Variants in ABL1 observed in about 807,000 individuals in gnomAD.
ABL1 encodes tyrosine-protein kinase ABL1.
ABL1 carries 11 observed loss-of-function variants against 94.7 expected under a neutral mutation model. That is an observed-to-expected ratio of 0.12 (90% CI 0.07 to 0.19). The LOEUF is 0.19. Ranked by LOEUF, ABL1 falls within the 10% of genes least tolerant of loss-of-function variation. The probability of loss-of-function intolerance (pLI) is 1.00; values close to 1 mark genes in which losing one functional copy is unlikely to be tolerated. For synonymous variants in ABL1, 656 were observed against 622.4 expected (o/e 1.05, Z -0.80); for missense variants, 1,082 against 1,489.4 (o/e 0.73, Z 4.50).
chr9:130,857,682 A>G (rs1830998158), intron 3 of ABL1, among the ~76,000 whole-genome samples: 1 of 151,412 alleles, frequency 6.6e-6, no homozygotes, highest in African/African-American at 2.4e-5. Flanking sequence ...CCATATGAAC[A>G]TACATATACT....
At chr9:130,860,996 C>T (rs1322649060) in intron 3 of ABL1, among the ~76,000 whole-genome samples, 1 of 152,190 alleles carries the variant, frequency 6.6e-6, no homozygotes, top group Non-Finnish European at 1.5e-5. Flanking sequence ...TTCCGCTCCC[C>T]GACACATTCC....
chr9:130,724,031 C>T (rs1282077738), intron 1 of ABL1, among the ~76,000 whole-genome samples: 1 of 152,074 alleles, frequency 6.6e-6, no homozygotes. Context: ...AGTATGGTCT[C>T]GATCTCCTGA....
chr9:130,857,810 C>T (rs552389432), intron 3 of ABL1, among the ~76,000 whole-genome samples: 9 of 152,236 alleles, frequency 5.9e-5, no homozygotes, highest in African/African-American at 9.6e-5. Context: ...CTGCAGTGTG[C>T]GTGACGGACA....
intron 7 of ABL1, among the ~76,000 whole-genome samples, chr9:130,877,466 G>A (rs999135574): frequency 2.7e-5 from 4 of 148,000 alleles, no homozygotes; most frequent in South Asian, 2.1e-4. Flanking sequence ...GTTGGTCACA[G>A]AGCTAAGAGT....
chr9:130,750,644 C>CATT, intron 1 of ABL1, among the ~76,000 whole-genome samples: 1 of 87,290 alleles, frequency 1.1e-5, no homozygotes, highest in East Asian at 3.6e-4. Flanking sequence ...CTTTTTCTTT[C>CATT]TTTTTTTTTT....
chr9:130,730,998 C>CTTTTTT (rs11300328), intron 1 of ABL1, among the ~76,000 whole-genome samples: 4 of 64,464 alleles, frequency 6.2e-5, no homozygotes, highest in Non-Finnish European at 1.1e-4. Flanking sequence ...CTCTATCTCT[C>CTTTTTT]TTTTTTTTTT....
Position 130,863,343 on chromosome 9 carries a change from C to T in ABL1, c.822+308C>T, listed in dbSNP as rs1564315747. Reference sequence around the variant, plus strand: ...AGGTTCTTTTAAAGCCGTGGATTTCCATGCTGTTCGTGCGGCATGGAGATC... The same window carrying T: ...AGGTTCTTTTAAAGCCGTGGATTTCTATGCTGTTCGTGCGGCATGGAGATC... On this transcript the variant is annotated intron_variant, in intron 4 of 10. Coordinates refer to ENST00000318560, the MANE Select transcript of ABL1 (RefSeq NM_005157.6). This position sits in a 1 kb window ranked among gnomAD's most constrained non-coding sequence, Gnocchi z 4.3. 6.6e-6 allele frequency among the ~76,000 whole-genome samples: 1 copy of T among 152,126 alleles called. No homozygotes were observed.
At chr9:130,713,289 G>T (rs1320103430) in exon 1 of ABL1, among the ~76,000 whole-genome samples, 1 of 152,188 alleles carries the variant, frequency 6.6e-6, no homozygotes, top group African/African-American at 2.4e-5. Flanking sequence ...AGCTGAGGCG[G>T]CCGGGCCTCC....
intron 1 of ABL1, among the ~76,000 whole-genome samples, chr9:130,761,354 C>G (rs759253414): frequency 6.6e-6 from 1 of 152,178 alleles, no homozygotes; most frequent in Non-Finnish European, 1.5e-5. Flanking sequence ...AATGGCATCT[C>G]TCTTTTCTCC....
intron 1 of ABL1, among the ~76,000 whole-genome samples, chr9:130,755,470 C>A (rs1433312722): frequency 3.3e-5 from 5 of 152,262 alleles, no homozygotes; most frequent in Middle Eastern, 3.4e-3. Flanking sequence ...TGTACTCTGT[C>A]CCCTCAGTGC....
At chr9:130,742,243 A>C (rs1831829416) in intron 1 of ABL1, among the ~76,000 whole-genome samples, 1 of 152,218 alleles carries the variant, frequency 6.6e-6, no homozygotes, top group Non-Finnish European at 1.5e-5. Flanking sequence ...GATTATGCTC[A>C]GCAGTGAGTC....
At chr9:130,768,545 C>T (rs1043477034) in intron 1 of ABL1, among the ~76,000 whole-genome samples, 3 of 152,198 alleles carry the variant, frequency 2.0e-5, no homozygotes, top group African/African-American at 7.2e-5. Context: ...ATCAGCCTGG[C>T]TTTGCACTGG....
chr9:130,718,592 A>C (rs1831476426), intron 1 of ABL1, among the ~76,000 whole-genome samples: 1 of 152,158 alleles, frequency 6.6e-6, no homozygotes, highest in African/African-American at 2.4e-5. Context: ...GAGATTAAAA[A>C]GTTTGAGGCC....
intron 1 of ABL1, among the ~76,000 whole-genome samples, chr9:130,726,345 C>T (rs1350543038): frequency 6.6e-6 from 1 of 152,112 alleles, no homozygotes; most frequent in Non-Finnish European, 1.5e-5. Context: ...TCCTCCTCCT[C>T]AGAGATAACT....
Position 130,860,599 on chromosome 9 carries a change from T to C in ABL1, c.550-2164T>C, listed in dbSNP as rs544637349. Among the ~76,000 whole-genome samples the C allele has an allele frequency of 1.1e-4, 17 of 152,306 alleles. No homozygotes were observed. The East Asian group carries it at 1.9e-3, about 17-fold the overall frequency. ...CGACGGGAGAGAGGGATAATGAGAC[T>C]TGCTCCCAGGTGCCCTGCCCTGGAG... On this transcript the variant is annotated intron_variant, in intron 3 of 10. Transcript: ENST00000318560.
At position 130,813,561 on chromosome 9, in the gene ABL1, C is replaced by CAA. The variant is rs57194587; in HGVS notation, c.137-40480_137-40479dup. The stretch of plus-strand genomic sequence containing the variant: ...GGCTGAGAGAGCGAGACTCCATCTC[C>CAA]AAAAAAAAAAAAAAAAAAAAAAAAG... On this transcript the variant is annotated intron_variant, in intron 1 of 10. Coordinates refer to the ABL1 transcript ENST00000372348. Among the ~76,000 whole-genome samples, 233 of 60,572 alleles carry CAA rather than the reference C, an allele frequency of 3.8e-3. 1 individual carries two copies. The highest frequency in any genetic ancestry group is 5.2e-3 in the Non-Finnish European group (162 of 30,990). The allele number at this position is 60,572 out of a possible 152,430, so 39.7% of individuals were successfully genotyped here. A position where few individuals can be genotyped will look rare whatever the true frequency, so the allele number is the denominator to read the frequency against.
intron 4 of ABL1, among the ~76,000 whole-genome samples, chr9:130,866,405 G>C (rs986596504): frequency 6.6e-6 from 1 of 151,864 alleles, no homozygotes; most frequent in Non-Finnish European, 1.5e-5. Flanking sequence ...TTGTGGCTAC[G>C]ATCTACCTTC....
chr9:130,813,380 T>C (rs1478165227), intron 1 of ABL1, among the ~76,000 whole-genome samples: 4 of 151,070 alleles, frequency 2.6e-5, no homozygotes, highest in Non-Finnish European at 5.9e-5. Context: ...GCTAACATGG[T>C]GAAACCCCTT....
chr9:130,820,113 C>G (rs1014275373), intron 1 of ABL1, among the ~76,000 whole-genome samples: 6 of 152,126 alleles, frequency 3.9e-5, no homozygotes, highest in Admixed American at 1.3e-4. Context: ...GATTGCTTCT[C>G]TTTCTCAGCA....
Sources: gnomAD v4.1 joint callset for allele counts (sites outside exome capture counted in the v4.1 genomes callset) on GRCh38, gnomAD v4.1.1 for gene constraint, Gnocchi (gnomAD v3.1) non-coding constraint, MANE v1.5 for transcripts, NCBI Gene and HGNC (gene_info 2026-07-23, HGNC 2026-07-21) for gene names.